Variants in ERI1 observed in about 807,000 individuals in gnomAD.
ERI1 encodes 3'-5' exoribonuclease 1.
Under a neutral mutation model 39.7 loss-of-function variants are expected in ERI1, and 39 were observed. That is an observed-to-expected ratio of 0.98 (90% CI 0.76 to 1.28). ERI1 has a LOEUF of 1.28. Among genes scored for constraint, ERI1 ranks in the 50% most tolerant of loss-of-function variants. ERI1 has a pLI of 0.00. For missense variants in ERI1, 581 were observed against 416.9 expected, an observed-to-expected ratio of 1.39 and a Z score of -3.43; for synonymous variants, 204 against 149.6, an observed-to-expected ratio of 1.36 and a Z score of -2.65.
rs761363634 is a variant in ERI1 at position 9,056,531 on chromosome 8, G to T, written n.299+36067G>T. Reference sequence around the variant, plus strand: ...GTAAGTAAAATATTTGTCCAAAAAAGATGTTTCCACATTTAAGGTAAATTC... The same window carrying T: ...GTAAGTAAAATATTTGTCCAAAAAATATGTTTCCACATTTAAGGTAAATTC... On this transcript the variant is annotated intron_variant and non_coding_transcript_variant, in intron 3 of 3. Coordinates refer to the ERI1 transcript ENST00000518663. Among the ~76,000 whole-genome samples, 259 of 151,510 alleles carry T rather than the reference G, an allele frequency of 1.7e-3. 1 individual carries two copies. The highest frequency in any genetic ancestry group is 1.9e-3 in the Non-Finnish European group (132 of 67,844).
chr8:9,039,950 A>T lies in ERI1; in HGVS notation n.299+19486A>T, dbSNP rs558037092. ...AGGTTTTATTCAGTGCCTCATGAAAATTCTGATAGTCCTGAAAATTATTCC... is the reference window on the plus strand; with the variant it reads ...AGGTTTTATTCAGTGCCTCATGAAATTTCTGATAGTCCTGAAAATTATTCC... On this transcript the variant is annotated intron_variant and non_coding_transcript_variant, in intron 3 of 3. Coordinates refer to the ERI1 transcript ENST00000518663. 2.6e-5 allele frequency among the ~76,000 whole-genome samples: 4 copies of T among 152,282 alleles called. No homozygotes were observed. The South Asian group carries it at 8.3e-4, about 32-fold the overall frequency.
chr8:9,016,830 C>A (rs542273650), intron 4 of ERI1, among the ~76,000 whole-genome samples: 1 of 151,950 alleles, frequency 6.6e-6, no homozygotes, highest in Non-Finnish European at 1.5e-5. Context: ...GGACTACAGG[C>A]GCGTTGCCAC....
intron 1 of ERI1, among the ~76,000 whole-genome samples, chr8:9,005,924 A>G (rs767774593): frequency 6.6e-6 from 1 of 152,224 alleles, no homozygotes; most frequent in African/African-American, 2.4e-5. Context: ...CATCCACTTA[A>G]TTGAATACGT....
At chr8:9,016,741 A>C (rs1296361948) in intron 4 of ERI1, among the ~76,000 whole-genome samples, 1 of 152,200 alleles carries the variant, frequency 6.6e-6, no homozygotes, top group African/African-American at 2.4e-5. Context: ...GCTTGAGTAC[A>C]GTGGCGTGAC....
At chr8:9,036,701 TC>T (rs1481786055), downstream of ERI1, among the ~76,000 whole-genome samples, 3 of 152,128 alleles carry the variant, frequency 2.0e-5, no homozygotes, top group Non-Finnish European at 4.4e-5. Flanking sequence ...ATTTTTTTTT[TC>T]TATTGAGTAA....
intron 6 of ERI1, among the ~76,000 whole-genome samples, chr8:9,027,939 A>G (rs1271009366): frequency 3.9e-5 from 6 of 152,230 alleles, no homozygotes; most frequent in Admixed American, 2.6e-4. Context: ...GTCATGGCAC[A>G]TAATTGTTTT....
At chr8:9,094,548 T>C (rs942762796) in intron 3 of ERI1, among the ~76,000 whole-genome samples, 5 of 152,218 alleles carry the variant, frequency 3.3e-5, no homozygotes, top group Non-Finnish European at 5.9e-5. Context: ...CTCTGTGTCC[T>C]GTGTGTTGAT....
At chr8:9,042,611 C>T (rs1355180600) in intron 3 of ERI1, among the ~76,000 whole-genome samples, 1 of 152,038 alleles carries the variant, frequency 6.6e-6, no homozygotes, top group Non-Finnish European at 1.5e-5. Flanking sequence ...CTGGAGGAAG[C>T]CTAGATGCGA....
intron 3 of ERI1, among the ~76,000 whole-genome samples, chr8:9,060,920 G>A (rs964783166): frequency 7.2e-5 from 11 of 152,230 alleles, no homozygotes; most frequent in Non-Finnish European, 1.5e-5. Flanking sequence ...AGGCATTAAT[G>A]ATGGAGGACG....
intron 6 of ERI1, among the ~76,000 whole-genome samples, chr8:9,028,131 T>C (rs1797316285): frequency 6.6e-6 from 1 of 152,216 alleles, no homozygotes; most frequent in Non-Finnish European, 1.5e-5. Flanking sequence ...TTTTTTGTAG[T>C]AGTTTGAGGA....
rs958794805 is a variant in ERI1, at chr8:9,047,598, C to G, written n.299+27134C>G. On this transcript the variant is annotated intron_variant and non_coding_transcript_variant, in intron 3 of 3. Coordinates refer to the ERI1 transcript ENST00000518663. ...TCTGCAGTCCCAGCTACTCAGGAGG[C>G]TGAGGTGGGAGGATGGCTTGAGCCC... Among the ~76,000 whole-genome samples the G allele has an allele frequency of 2.0e-5, 3 of 151,982 alleles. No homozygotes were observed. In the East Asian group the frequency reaches 5.8e-4, roughly 29 times the overall value.
intron 3 of ERI1, among the ~76,000 whole-genome samples, chr8:9,071,656 G>A (rs1356769582): frequency 6.6e-6 from 1 of 152,230 alleles, no homozygotes; most frequent in East Asian, 1.9e-4. Context: ...GTCCTCCCCT[G>A]TGGCTCACTC....
chr8:9,080,170 TAGAA>T (rs1439884563), intron 3 of ERI1, among the ~76,000 whole-genome samples: 2 of 152,304 alleles, frequency 1.3e-5, no homozygotes, highest in Non-Finnish European at 2.9e-5. Context: ...CTTGTGGTAA[TAGAA>T]AGCAGTTTTA....
At chr8:9,061,390 C>G (rs2921376) in intron 3 of ERI1, among the ~76,000 whole-genome samples, 127,945 of 152,122 alleles carry the variant, frequency 0.84, 54,490 homozygotes, top group South Asian at 0.92. Context: ...AGCTGAAGGA[C>G]CCGGGGAGCA....
chr8:9,008,221 T>C lies in ERI1; in HGVS notation c.287+73T>C, dbSNP rs73662271. 1.1e-3 allele frequency: 1,387 copies of C among 1,254,560 alleles called. 10 individuals are homozygous for C. The African/African-American group carries it at 0.018, about 16-fold the overall frequency. 77.7% of individuals were successfully genotyped at this position (1,254,560 alleles called of 1,614,324 possible). ...TTAGAAAATCTTGAAAACATTGAAA[T>C]ATTAAAAATCATCTGTAATCCTACC... On this transcript the variant is annotated intron_variant, in intron 2 of 6. Coordinates refer to ENST00000250263, the MANE Select transcript of ERI1 (RefSeq NM_153332.4).
chr8:9,089,720 G>A (rs1204529501), intron 3 of ERI1, among the ~76,000 whole-genome samples: 2 of 152,142 alleles, frequency 1.3e-5, no homozygotes, highest in African/African-American at 4.8e-5. Flanking sequence ...AAAATGACGA[G>A]GTTTGTGTAG....
At chr8:9,012,955 C>T (rs1005009228) in intron 3 of ERI1, among the ~76,000 whole-genome samples, 2 of 152,096 alleles carry the variant, frequency 1.3e-5, no homozygotes, top group Non-Finnish European at 2.9e-5. Flanking sequence ...CATCATTCCA[C>T]TAAAATCACT....
intron 3 of ERI1, among the ~76,000 whole-genome samples, chr8:9,039,163 C>G (rs115128465): frequency 3.9e-5 from 6 of 152,098 alleles, no homozygotes; most frequent in Non-Finnish European, 7.4e-5. Flanking sequence ...ACTCTTTAAC[C>G]TAGAAAACCT....
chr8:9,089,700 C>A lies in ERI1; in HGVS notation n.300-26648C>A, dbSNP rs183659477. Among the ~76,000 whole-genome samples the A allele has an allele frequency of 7.4e-4, 113 of 152,306 alleles. 3 individuals are homozygous for A. Among genetic ancestry groups the A allele is most frequent in the Admixed American group, 6.3e-3 (96 of 15,300 alleles). ...TGCTGTTCTCCCCACCTCTTCTTCA[C>A]TAGCTGTACAAAATGACGAGGTTTG... On this transcript the variant is annotated intron_variant and non_coding_transcript_variant, in intron 3 of 3. Transcript: ENST00000518663.
Sources: allele counts gnomAD v4.1 joint callset (sites outside exome capture counted in the v4.1 genomes callset), GRCh38; gene constraint gnomAD v4.1.1; transcripts MANE v1.5; gene names NCBI Gene and HGNC (gene_info 2026-07-23, HGNC 2026-07-21).